Variants in CNTNAP5 observed in about 807,000 individuals in gnomAD.
The protein encoded by CNTNAP5 is contactin associated protein family member 5.
In CNTNAP5, 72 loss-of-function variants were observed where a neutral mutation model predicts 150.2. That is an observed-to-expected ratio of 0.48 (90% CI 0.40 to 0.58). The LOEUF is 0.58. Ranked by LOEUF, CNTNAP5 falls within the 20% of genes least tolerant of loss-of-function variation. The pLI, the probability that CNTNAP5 is intolerant of heterozygous loss-of-function variation, is 0.00. For missense variants in CNTNAP5, 1,636 were observed against 1,626.2 expected (o/e 1.01, Z -0.10); for synonymous variants, 672 against 619.8 (o/e 1.08, Z -1.25).
At chr2:124,160,975 C>T (rs777887646) in intron 1 of CNTNAP5, among the ~76,000 whole-genome samples, 18 of 152,144 alleles carry the variant, frequency 1.2e-4, no homozygotes, top group Admixed American at 9.8e-4. Flanking sequence ...TCTGCATAAA[C>T]CATCTATAAT....
chr2:124,330,792 A>C (rs1414593428), intron 3 of CNTNAP5, among the ~76,000 whole-genome samples: 1 of 152,168 alleles, frequency 6.6e-6, no homozygotes, highest in Non-Finnish European at 1.5e-5. Flanking sequence ...TGCTTCAATT[A>C]TGTTTACAAA....
intron 1 of CNTNAP5, among the ~76,000 whole-genome samples, chr2:124,060,762 A>T (rs1443055438): frequency 6.6e-6 from 1 of 152,230 alleles, no homozygotes; most frequent in Non-Finnish European, 1.5e-5. Flanking sequence ...GGGGCTTTCT[A>T]GTCAAGCTCT....
At chr2:124,200,072 C>CA (rs1320245934) in intron 1 of CNTNAP5, among the ~76,000 whole-genome samples, 3 of 152,272 alleles carry the variant, frequency 2.0e-5, no homozygotes, top group Non-Finnish European at 2.9e-5. Context: ...ATCTTTGCAG[C>CA]ATTTCATCAA....
At chr2:124,639,372 T>A (rs1439143511) in intron 12 of CNTNAP5, among the ~76,000 whole-genome samples, 1 of 152,162 alleles carries the variant, frequency 6.6e-6, no homozygotes, top group Non-Finnish European at 1.5e-5. Flanking sequence ...TCTGCTCTTG[T>A]CTCTGAGTTT....
intron 12 of CNTNAP5, among the ~76,000 whole-genome samples, chr2:124,624,456 C>T (rs1677678604): frequency 6.6e-6 from 1 of 152,134 alleles, no homozygotes; most frequent in Non-Finnish European, 1.5e-5. Flanking sequence ...TTTATGTATT[C>T]ATTTGTTAAT....
intron 10 of CNTNAP5, among the ~76,000 whole-genome samples, chr2:124,529,025 C>A (rs1695042440): frequency 6.6e-6 from 1 of 151,380 alleles, no homozygotes; most frequent in Admixed American, 6.6e-5. Flanking sequence ...GGATCATCAA[C>A]AAATCATGCA....
intron 3 of CNTNAP5, among the ~76,000 whole-genome samples, chr2:124,390,761 T>C (rs1037924357): frequency 2.6e-5 from 4 of 152,208 alleles, no homozygotes; most frequent in Admixed American, 6.5e-5. Context: ...CTGGGTGTTA[T>C]AATGTACAAT....
chr2:124,514,205 G>T (rs755868600), intron 8 of CNTNAP5, among the ~76,000 whole-genome samples: 1 of 152,176 alleles, frequency 6.6e-6, no homozygotes, highest in Non-Finnish European at 1.5e-5. Context: ...GGAAAACTGA[G>T]AAATGCAATT....
intron 3 of CNTNAP5, among the ~76,000 whole-genome samples, chr2:124,266,282 T>A (rs1687604715): frequency 6.6e-6 from 1 of 152,142 alleles, no homozygotes; most frequent in African/African-American, 2.4e-5. Context: ...CAGTCAGAAT[T>A]TTCTAGTCTA....
chr2:124,255,087 G>C (rs1687274353), intron 3 of CNTNAP5, among the ~76,000 whole-genome samples: 1 of 152,140 alleles, frequency 6.6e-6, no homozygotes, highest in Non-Finnish European at 1.5e-5. Flanking sequence ...TTTTGTACTA[G>C]AAGAGAATAG....
chr2:124,600,497 G>A (rs1003012847), intron 11 of CNTNAP5, among the ~76,000 whole-genome samples: 1 of 152,094 alleles, frequency 6.6e-6, no homozygotes, highest in Non-Finnish European at 1.5e-5. Context: ...GCCCTTCATT[G>A]ACCTTACACA....
At chr2:124,352,378 C>T (rs1008837669) in intron 3 of CNTNAP5, among the ~76,000 whole-genome samples, 1 of 152,152 alleles carries the variant, frequency 6.6e-6, no homozygotes, top group African/African-American at 2.4e-5. Flanking sequence ...CCATTTCACA[C>T]ACATAGAACA....
At chr2:124,748,017 G>T (rs1020233181) in intron 14 of CNTNAP5, among the ~76,000 whole-genome samples, 5 of 151,584 alleles carry the variant, frequency 3.3e-5, no homozygotes, top group Non-Finnish European at 5.9e-5. Flanking sequence ...TTGAGTCAGG[G>T]TATTTATGAT....
chr2:124,135,393 C>T (rs1235018249), intron 1 of CNTNAP5, among the ~76,000 whole-genome samples: 1 of 152,170 alleles, frequency 6.6e-6, no homozygotes, highest in African/African-American at 2.4e-5. Flanking sequence ...CTTCTTTGGA[C>T]CTCAGTCATT....
At position 124,796,402 on chromosome 2, in the gene CNTNAP5, T is replaced by G. The variant is rs922861; in HGVS notation, c.2993-1694T>G. 4.1e-3 allele frequency among the ~76,000 whole-genome samples: 632 copies of G among 152,310 alleles called. 4 individuals carry two copies. The highest frequency in any genetic ancestry group is 0.014 in the African/African-American group (594 of 41,570). On this transcript the variant is annotated intron_variant, in intron 18 of 23. Transcript: ENST00000682447. ...GCTCAAAATGCAGACCAAATATCCCTGAGTAAATTTACTCAAGGAAAATTC... is the reference window on the plus strand; with the variant it reads ...GCTCAAAATGCAGACCAAATATCCCGGAGTAAATTTACTCAAGGAAAATTC...
chr2:124,480,173 G>A (rs1458140212), intron 7 of CNTNAP5, among the ~76,000 whole-genome samples: 2 of 152,078 alleles, frequency 1.3e-5, no homozygotes, highest in Non-Finnish European at 2.9e-5. Context: ...GTCATGAAGT[G>A]GGTTTGCAGT....
At chr2:124,860,311 T>C (rs936062537) in intron 19 of CNTNAP5, among the ~76,000 whole-genome samples, 4 of 151,782 alleles carry the variant, frequency 2.6e-5, no homozygotes, top group African/African-American at 9.7e-5. Flanking sequence ...GATAGTGCCA[T>C]TGCACTCCAG....
At chr2:124,608,948 A>G (rs1027850340) in intron 11 of CNTNAP5, among the ~76,000 whole-genome samples, 3 of 151,870 alleles carry the variant, frequency 2.0e-5, no homozygotes, top group African/African-American at 7.3e-5. Flanking sequence ...ACCTCAAGAA[A>G]AAAAAAAAAA....
chr2:124,396,777 A>T, intron 3 of CNTNAP5, among the ~76,000 whole-genome samples: 1 of 152,202 alleles, frequency 6.6e-6, no homozygotes, highest in East Asian at 1.9e-4. Context: ...TCTATATATG[A>T]ATTCAATACC....
Sources: allele counts gnomAD v4.1 joint callset (sites outside exome capture counted in the v4.1 genomes callset), GRCh38; gene constraint gnomAD v4.1.1; transcripts MANE v1.5; gene names NCBI Gene and HGNC (gene_info 2026-07-23, HGNC 2026-07-21).